Variants in ZFAND3 observed in about 807,000 individuals in gnomAD.
ZFAND3 encodes zinc finger AN1-type containing 3, also known as AN1-type zinc finger protein 3.
In ZFAND3, 10 loss-of-function variants were observed where a neutral mutation model predicts 29.6. The ratio of observed to expected loss-of-function variants is 0.34; its 90% CI spans 0.21 to 0.57. The LOEUF (loss-of-function observed/expected upper bound fraction) is 0.57. Ranked by LOEUF, ZFAND3 falls within the 20% of genes least tolerant of loss-of-function variation. ZFAND3 has a pLI of 0.86. For synonymous variants in ZFAND3, 128 were observed against 112.6 expected (o/e 1.14, Z -0.87); for missense variants, 230 against 304.5 (o/e 0.76, Z 1.82).
Position 38,052,106 on chromosome 6 carries a change from C to A in ZFAND3, c.113-9487C>A, listed in dbSNP as rs1419455913. ...AAGTTTAATTGCTGAAAAGAGTAAG[C>A]TTTGCCAGCTTCATATATTCTCTTG... On this transcript the variant is annotated intron_variant, in intron 2 of 5. Transcript: ENST00000287218. Among the ~76,000 whole-genome samples the A allele has an allele frequency of 2.0e-5, 3 of 152,140 alleles. No homozygotes were observed. In the South Asian group the frequency reaches 6.2e-4, roughly 32 times the overall value.
chr6:37,948,455 T>C (rs1761939154), intron 2 of ZFAND3, among the ~76,000 whole-genome samples: 1 of 152,216 alleles, frequency 6.6e-6, no homozygotes, highest in Non-Finnish European at 1.5e-5. Context: ...TTTTTCTTTT[T>C]GTTTTCTTTC....
chr6:37,994,791 A>G (rs1198750966), intron 2 of ZFAND3, among the ~76,000 whole-genome samples: 1 of 152,186 alleles, frequency 6.6e-6, no homozygotes, highest in Non-Finnish European at 1.5e-5. Context: ...ATAAGGCCAG[A>G]TTTTTGCAGG....
rs61108907 is a variant in ZFAND3, at chr6:37,887,478, A to C, written c.72-42481A>C. 0.017 allele frequency among the ~76,000 whole-genome samples: 2,595 copies of C among 152,330 alleles called. 254 individuals are homozygous for C. In the East Asian group the frequency reaches 0.28, roughly 16 times the overall value. On this transcript the variant is annotated intron_variant, in intron 1 of 5. Transcript: ENST00000287218. ...GTATATTATGAGGAAAGTCATAATCAAATCAGAACTTACTATGTTGGAAAT... is the reference window on the plus strand; with the variant it reads ...GTATATTATGAGGAAAGTCATAATCCAATCAGAACTTACTATGTTGGAAAT...
At chr6:37,890,794 A>G (rs1341203138) in intron 1 of ZFAND3, among the ~76,000 whole-genome samples, 2 of 152,214 alleles carry the variant, frequency 1.3e-5, no homozygotes, top group Admixed American at 1.3e-4. Flanking sequence ...ATATCAACAT[A>G]TAGAACAGCA....
chr6:37,993,662 T>C (rs1258230347), intron 2 of ZFAND3, among the ~76,000 whole-genome samples: 2 of 152,170 alleles, frequency 1.3e-5, no homozygotes, highest in Non-Finnish European at 2.9e-5. Flanking sequence ...TTCTCCAAAT[T>C]ATTGATAACA....
At chr6:37,912,030 C>CTGTGTGTG (rs59017250) in intron 1 of ZFAND3, among the ~76,000 whole-genome samples, 4,856 of 139,744 alleles carry the variant, frequency 0.035, 156 homozygotes, top group African/African-American at 0.077. Context: ...AGTCTTTTAT[C>CTGTGTGTG]TGTGTGTGTG....
At chr6:38,050,215 A>G (rs1012335936) in intron 2 of ZFAND3, among the ~76,000 whole-genome samples, 1 of 151,906 alleles carries the variant, frequency 6.6e-6, no homozygotes, top group African/African-American at 2.4e-5. Context: ...TCGGCCTTCC[A>G]AAGTGCTGGG....
intron 2 of ZFAND3, among the ~76,000 whole-genome samples, chr6:37,935,351 C>T (rs6458034): frequency 0.98 from 148,597 of 152,246 alleles, 72,641 homozygotes; most frequent in East Asian, 1. Context: ...CTACCTGTCA[C>T]ACTGTCCTTT....
intron 3 of ZFAND3, among the ~76,000 whole-genome samples, chr6:38,066,374 G>A (rs1764346577): frequency 6.6e-6 from 1 of 152,186 alleles, no homozygotes; most frequent in African/African-American, 2.4e-5. Context: ...TGGCGGAAGA[G>A]GCAGCAGGAG....
At chr6:37,869,358 C>T (rs2127387332) in intron 1 of ZFAND3, among the ~76,000 whole-genome samples, 1 of 152,030 alleles carries the variant, frequency 6.6e-6, no homozygotes, top group Non-Finnish European at 1.5e-5. Flanking sequence ...GGGGTTTCAC[C>T]ATGTTGGCCA....
chr6:37,840,290 G>A (rs1010892177), intron 1 of ZFAND3, among the ~76,000 whole-genome samples: 13 of 152,168 alleles, frequency 8.5e-5, no homozygotes, highest in Admixed American at 7.8e-4. Flanking sequence ...GTAGAGATGG[G>A]GTTTCACCAT....
At chr6:38,013,182 A>G (rs1369296985) in intron 2 of ZFAND3, among the ~76,000 whole-genome samples, 1 of 152,176 alleles carries the variant, frequency 6.6e-6, no homozygotes, top group African/African-American at 2.4e-5. Context: ...TAGTATATAC[A>G]AAATTTATGT....
chr6:37,992,512 T>C (rs1322474258), intron 2 of ZFAND3, among the ~76,000 whole-genome samples: 1 of 152,170 alleles, frequency 6.6e-6, no homozygotes, highest in African/African-American at 2.4e-5. Context: ...TTCCCTCTCT[T>C]CTTCTCCCTT....
intron 1 of ZFAND3, among the ~76,000 whole-genome samples, chr6:37,907,667 T>C (rs901999806): frequency 2.6e-5 from 4 of 152,196 alleles, no homozygotes; most frequent in Non-Finnish European, 5.9e-5. Context: ...TTTTGACTAT[T>C]ATGCATAATG....
intron 1 of ZFAND3, among the ~76,000 whole-genome samples, chr6:37,820,941 A>C (rs1002788358): frequency 3.9e-5 from 6 of 152,226 alleles, no homozygotes; most frequent in African/African-American, 1.4e-4. Context: ...ATCATACCAC[A>C]TGACTGTAGT....
intron 1 of ZFAND3, among the ~76,000 whole-genome samples, chr6:37,925,165 C>A (rs928896159): frequency 6.6e-6 from 1 of 151,942 alleles, no homozygotes; most frequent in African/African-American, 2.4e-5. Context: ...GAAAATAACA[C>A]GCTCCAACTT....
In ZFAND3 at chr6:38,145,871, G is replaced by A. The variant is rs997933547; in HGVS notation, c.530-6364G>A. ...AAATACCTGTCCTTCCGAGAGAAGT[G>A]CCCCTACCCCCTGCCTCTCTATTCC... On this transcript the variant is annotated intron_variant, in intron 5 of 5. Transcript: ENST00000287218. Among the ~76,000 whole-genome samples, 10 of 152,296 alleles carry A rather than the reference G, an allele frequency of 6.6e-5. 1 individual carries two copies. Among genetic ancestry groups the A allele is most frequent in the Admixed American group, 3.3e-4 (5 of 15,306 alleles).
intron 2 of ZFAND3, among the ~76,000 whole-genome samples, chr6:37,964,660 G>A (rs183525593): frequency 4.6e-5 from 7 of 152,298 alleles, no homozygotes; most frequent in African/African-American, 1.7e-4. Flanking sequence ...ATACCGCAGA[G>A]CAAAGCCAAA....
Position 38,153,109 on chromosome 6 carries a change from A to G in ZFAND3, c.*720A>G. The G allele has an allele frequency of 1.0e-6, 1 of 985,550 alleles. No individual in the cohort carries two copies. Among genetic ancestry groups the G allele is most frequent in the South Asian group, 4.7e-5 (1 of 21,290 alleles). The allele number at this position is 985,550 out of a possible 1,614,324, so 61.1% of individuals were successfully genotyped here. A position where few individuals can be genotyped will look rare whatever the true frequency, so the allele number is the denominator to read the frequency against. ...ACCCGCCTTTTCTACACAGGATCCA[A>G]GGTCACGAGAAGCAGCCAGAGTGCC... On this transcript the variant is annotated 3_prime_UTR_variant, in exon 6 of 6. Coordinates refer to ENST00000287218, the MANE Select transcript of ZFAND3 (RefSeq NM_021943.3).
Sources: gnomAD v4.1 joint callset for allele counts (sites outside exome capture counted in the v4.1 genomes callset) on GRCh38, gnomAD v4.1.1 for gene constraint, MANE v1.5 for transcripts, NCBI Gene and HGNC (gene_info 2026-07-23, HGNC 2026-07-21) for gene names.